The following EIF4G1 variants were observed in gnomAD, a reference collection of about 807,000 sequenced individuals.
EIF4G1 encodes eukaryotic translation initiation factor 4 gamma 1, also known as EIF4-gamma.
EIF4G1 carries 4 observed loss-of-function variants against 187.8 expected under a neutral mutation model. The ratio of observed to expected loss-of-function variants is 0.02; its 90% CI spans 0.01 to 0.05. The LOEUF (loss-of-function observed/expected upper bound fraction) is 0.05. Among genes scored for constraint, EIF4G1 ranks in the 10% least tolerant of loss-of-function variants. EIF4G1 has a pLI of 1.00. For missense variants in EIF4G1, 1,647 were observed against 2,081.1 expected (o/e 0.79, Z 4.06); for synonymous variants, 844 against 781.4 (o/e 1.08, Z -1.34).
chr3:184,325,903 C>T lies in EIF4G1; in HGVS notation c.3174C>T (p.Ser1058=), dbSNP rs143983618. The T allele has an allele frequency of 6.2e-7, 1 of 1,614,096 alleles. No homozygotes were observed. The highest frequency in any genetic ancestry group is 1.3e-5 in the African/African-American group (1 of 74,998). ...DDGGWNTVPI[S]KGSRPIDTSR... is the part of the protein sequence containing the mutation. ...GTGGCTGGAACACAGTTCCCATCAG[C>T]AAAGGTAGCCGCCCCATTGACACCT... Residue 1058 remains serine (S), a synonymous_variant, in exon 21 of 33, where the codon AGC becomes AGT. Coordinates refer to ENST00000346169, the MANE Select transcript of EIF4G1 (RefSeq NM_198241.3). The surrounding 1 kb of genome is among the most constrained non-coding windows in gnomAD (Gnocchi z 5.2).
In EIF4G1 at chr3:184,326,946, C is replaced by T. The variant is rs772941446; in HGVS notation, c.3391C>T (p.Pro1131Ser). The change falls in exon 23 of 33, where the codon CCC becomes TCC. Residue 1131 changes from proline (P) to serine (S), a missense_variant. This residue lies in a region of EIF4G1 where 543 missense variants were observed against 638.0 expected (regional missense o/e 0.85). Transcript: ENST00000346169. ...NRFSALQQAV[P>S]TESTDNRRVV... ...CTTCTCAGCCCTTCAACAAGCGGTACCCACAGAAAGCACAGATAATAGACG... is the reference window on the plus strand; with the variant it reads ...CTTCTCAGCCCTTCAACAAGCGGTATCCACAGAAAGCACAGATAATAGACG... The T allele has an allele frequency of 1.9e-6, 3 of 1,614,098 alleles. No individual in the cohort carries two copies. The highest frequency in any genetic ancestry group is 2.5e-6 in the Non-Finnish European group (3 of 1,180,062).
In EIF4G1 at chr3:184,325,700, T is replaced by A; in HGVS notation, c.3121+61T>A. The A allele has an allele frequency of 6.2e-7, 1 of 1,613,636 alleles. No homozygotes were observed. The highest frequency in any genetic ancestry group is 1.3e-5 in the African/African-American group (1 of 75,040). On this transcript the variant is annotated intron_variant, in intron 20 of 32. Coordinates refer to ENST00000346169, the MANE Select transcript of EIF4G1 (RefSeq NM_198241.3). This position sits in a 1 kb window ranked among gnomAD's most constrained non-coding sequence, Gnocchi z 5.2. Reference sequence around the variant, plus strand: ...AAGGGACCGGGAGGTTATACTTTCCTCTGATGACTTCCTGTTAGTGCCACG... The same window carrying A: ...AAGGGACCGGGAGGTTATACTTTCCACTGATGACTTCCTGTTAGTGCCACG...
Position 184,327,218 on chromosome 3 carries a change from G to A in EIF4G1, c.3431G>A (p.Ser1144Asn). 1 of 1,612,614 alleles carries A rather than the reference G, an allele frequency of 6.2e-7. No individual in the cohort carries two copies. Among genetic ancestry groups the A allele is most frequent in the Non-Finnish European group, 8.5e-7 (1 of 1,180,042 alleles). Reference protein sequence around the residue: ...STDNRRVVQRSSLSRERGEKA... With the variant: ...STDNRRVVQRNSLSRERGEKA... The stretch of plus-strand genomic sequence containing the variant: ...AAATTTGTCTGTCTGTCTTCCAGGA[G>A]TAGCTTGAGCCGAGAACGAGGCGAG... Residue 1144 changes from serine to asparagine, a missense_variant and splice_region_variant, in exon 24 of 33, where the codon AGT (serine) becomes AAT (asparagine). Transcript: ENST00000346169.
At chr3:184,328,456 A>T in intron 26 of EIF4G1, 175 bp from the exon 27 acceptor site, 1 of 889,928 alleles carries the variant, frequency 1.1e-6, no homozygotes, top group Admixed American at 1.8e-5. Context: ...TAGGGGGTTA[A>T]GCGGGGTGAA....
In EIF4G1 at chr3:184,322,654, C is replaced by G. The variant is rs1224065014; in HGVS notation, c.1719C>G (p.Thr573=). 6.2e-7 allele frequency: 1 copy of G among 1,614,180 alleles called. No homozygotes were observed. Among genetic ancestry groups the G allele is most frequent in the Non-Finnish European group, 8.5e-7 (1 of 1,180,038 alleles). ...CACGTCCTGAGGAAGCAGATGAGAC[C>G]TGGGACTCAAAGGAAGACAAAATTC... is the stretch of plus-strand genomic sequence containing the variant. ...VPPRPEEADE[T]WDSKEDKIHN... Residue 573 remains threonine, a synonymous_variant, in exon 12 of 33, where the codon ACC becomes ACG. Coordinates refer to ENST00000346169, the MANE Select transcript of EIF4G1 (RefSeq NM_198241.3).
At position 184,326,577 on chromosome 3, in the gene EIF4G1, G is replaced by T. The variant is rs1295229536; in HGVS notation, c.3273G>T (p.Leu1091=). The change falls in exon 22 of 33, where the codon CTG becomes CTT. Residue 1091 remains leucine, a synonymous_variant. Coordinates refer to ENST00000346169, the MANE Select transcript of EIF4G1 (RefSeq NM_198241.3). ...AGCTCTTTGCACCTGGAGGGCGACT[G>T]AGCTGGGGCAAGGGCAGCAGCGGAG... The part of the protein sequence containing the change: ...NNQLFAPGGR[L]SWGKGSSGGS... 1.9e-6 allele frequency: 3 copies of T among 1,613,338 alleles called. No homozygotes were observed. Among genetic ancestry groups the T allele is most frequent in the South Asian group, 1.1e-5 (1 of 91,074 alleles).
intron 26 of EIF4G1, chr3:184,328,284 C>T (rs918370936): frequency 3.3e-5 from 16 of 484,606 alleles, no homozygotes; most frequent in South Asian, 1.0e-4. Flanking sequence ...CCCAGCTACT[C>T]GGAGGCTGAG....
rs775154263 is a variant in EIF4G1 at position 184,323,616 on chromosome 3, G to A, written c.2274+23G>A. ...CAGGTACTGGCAAGTCCTGCTTTTG[G>A]TCTCTCTCCATTTCTTCTCCAGGTC... On this transcript the variant is annotated intron_variant, in intron 15 of 32. Coordinates refer to ENST00000346169, the MANE Select transcript of EIF4G1 (RefSeq NM_198241.3). The surrounding 1 kb of genome is among the most constrained non-coding windows in gnomAD (Gnocchi z 6.9). 8 of 1,613,658 alleles carry A rather than the reference G, an allele frequency of 5.0e-6. No individual in the cohort carries two copies. The highest frequency in any genetic ancestry group is 1.1e-5 in the South Asian group (1 of 91,072).
chr3:184,316,903 C>T (rs1245748492), intron 4 of EIF4G1, among the ~76,000 whole-genome samples: 9 of 152,172 alleles, frequency 5.9e-5, no homozygotes, highest in Non-Finnish European at 1.2e-4. Flanking sequence ...TCTTGAAGAA[C>T]GCGCATCTGG....
rs1373426147 is a variant in EIF4G1 at position 184,334,661 on chromosome 3, GT to G, written c.4619-64del. 93 of 1,604,810 alleles carry G rather than the reference GT, an allele frequency of 5.8e-5. No individual in the cohort carries two copies. Among genetic ancestry groups the G allele is most frequent in the Non-Finnish European group, 7.9e-5 (93 of 1,172,748 alleles). ...TGTTTGAACAGTGGAACTTGGGAGG[GT>G]TCCCTGGGGTGGGCTGGGGTGGCGG... On this transcript the variant is annotated intron_variant, in intron 32 of 32. Transcript: ENST00000346169. The surrounding 1 kb of genome is among the most constrained non-coding windows in gnomAD (Gnocchi z 5.8).
chr3:184,324,060 C>T, intron 16 of EIF4G1, 83 bp downstream of exon 16: 1 of 1,604,536 alleles, frequency 6.2e-7, no homozygotes. Context: ...CTTCTTGGTT[C>T]CCCTCCAACT....
In EIF4G1 at chr3:184,317,344, G is replaced by A; in HGVS notation, c.171G>A (p.Gln57=). The change falls in exon 5 of 33, where the codon CAG becomes CAA. Residue 57 remains glutamine, a synonymous_variant. Coordinates refer to ENST00000346169, the MANE Select transcript of EIF4G1 (RefSeq NM_198241.3). The part of the protein sequence containing the change: ...PRQHFYPSRA[Q]PPSSAASRVQ... ...AGCACTTCTACCCTAGCCGGGCCCAGCCCCCGAGCAGTGCAGCCTCCCGAG... is the reference window on the plus strand; with the variant it reads ...AGCACTTCTACCCTAGCCGGGCCCAACCCCCGAGCAGTGCAGCCTCCCGAG... 6.2e-7 allele frequency: 1 copy of A among 1,614,060 alleles called. No homozygotes were observed. Among genetic ancestry groups the A allele is most frequent in the South Asian group, 1.1e-5 (1 of 91,086 alleles).
Position 184,316,002 on chromosome 3 carries a change from G to C in EIF4G1, c.61-130G>C. 6 of 1,531,582 alleles carry C rather than the reference G, an allele frequency of 3.9e-6. No homozygotes were observed. In the South Asian group the frequency reaches 7.3e-5, roughly 19 times the overall value. 94.9% of individuals were successfully genotyped at this position (1,531,582 alleles called of 1,614,324 possible). On this transcript the variant is annotated intron_variant, in intron 3 of 32. Transcript: ENST00000346169. ...CAGGGCCCCTGGGCTGTCCCCGGGG[G>C]CTGTCACGGGGAGGGGGTATGTGGA...
intron 7 of EIF4G1, 182 bp from the exon 8 acceptor site, chr3:184,320,448 G>A: frequency 6.6e-7 from 1 of 1,504,708 alleles, no homozygotes; most frequent in Non-Finnish European, 8.8e-7. Flanking sequence ...AAGGGTGGGA[G>A]CTGGGGCAGG....
In EIF4G1 at chr3:184,321,762, C is replaced by T; in HGVS notation, c.1178C>T (p.Pro393Leu). Residue 393 changes from proline to leucine, a missense_variant, in exon 10 of 33, where the codon CCC becomes CTC. Transcript: ENST00000346169. ...PPACPSESPV[P>L]IAPTAQPEEL... is the part of the protein sequence containing the mutation. The stretch of plus-strand genomic sequence containing the variant: ...GCTTGCCCCTCCGAATCCCCTGTGC[C>T]CATTGCTCCAACTGCCCAACCTGAG... 6.2e-7 allele frequency: 1 copy of T among 1,608,356 alleles called. No homozygotes were observed. Among genetic ancestry groups the T allele is most frequent in the Non-Finnish European group, 8.5e-7 (1 of 1,175,564 alleles).
rs369888540 is a variant in EIF4G1 at position 184,328,408 on chromosome 3, C to T, written c.3954-223C>T. The T allele has an allele frequency of 2.1e-4, 140 of 673,928 alleles. No homozygotes were observed. In the African/African-American group the frequency reaches 2.3e-3, roughly 11 times the overall value. 41.7% of individuals were successfully genotyped at this position (673,928 alleles called of 1,614,324 possible). Reference sequence around the variant, plus strand: ...CTGTCTCAAAAAAAAAACCAAAAAACAGTATGGGTTCCTTGACCATCCTGG... The same window carrying T: ...CTGTCTCAAAAAAAAAACCAAAAAATAGTATGGGTTCCTTGACCATCCTGG... On this transcript the variant is annotated intron_variant, in intron 26 of 32. Transcript: ENST00000346169.
chr3:184,331,120 G>A, intron 28 of EIF4G1, 146 bp from the exon 29 acceptor site: 2 of 866,196 alleles, frequency 2.3e-6, no homozygotes, highest in Admixed American at 3.5e-5. Context: ...GAAGGGCTTT[G>A]CCTATTAGTA....
intron 6 of EIF4G1, 107 bp from the exon 7 acceptor site, chr3:184,319,582 C>G: frequency 1.3e-6 from 1 of 773,278 alleles, no homozygotes; most frequent in Admixed American, 2.0e-5. Context: ...GGCAAGGGGC[C>G]GGCTGTGGGT....
At chr3:184,328,157 G>A in intron 26 of EIF4G1, 155 bp downstream of exon 26, 1 of 836,764 alleles carries the variant, frequency 1.2e-6, no homozygotes, top group Non-Finnish European at 2.0e-6. Context: ...GCCAAGGTGG[G>A]TTGGATTCCT....
Sources: allele counts gnomAD v4.1 joint callset (sites outside exome capture counted in the v4.1 genomes callset), GRCh38; gene constraint gnomAD v4.1.1; regional missense constraint gnomAD v4.1.1; non-coding constraint Gnocchi (gnomAD v3.1); transcripts MANE v1.5; gene names NCBI Gene and HGNC (gene_info 2026-07-23, HGNC 2026-07-21).